ARID1B: variants seen among roughly 807,000 people sequenced by gnomAD.
The protein encoded by ARID1B is AT-rich interaction domain 1B.
In ARID1B, 30 loss-of-function variants were observed where a neutral mutation model predicts 212.3. That is an observed-to-expected ratio of 0.14 (90% CI 0.11 to 0.19). ARID1B has a LOEUF of 0.19. Among genes scored for constraint, ARID1B ranks in the 10% least tolerant of loss-of-function variants. ARID1B has a pLI of 1.00. For synonymous variants in ARID1B, 1,402 were observed against 1,301.7 expected (o/e 1.08, Z -1.66); for missense variants, 2,891 against 3,204.0 (o/e 0.90, Z 2.36).
At chr6:156,908,202 T>C (rs1789564360) in intron 3 of ARID1B, among the ~76,000 whole-genome samples, 1 of 152,154 alleles carries the variant, frequency 6.6e-6, no homozygotes, top group African/African-American at 2.4e-5. Context: ...TGCCCAGCCA[T>C]TTAAAATTTT....
Position 156,988,607 on chromosome 6 carries a change from C to T in ARID1B, c.2247+53031C>T, listed in dbSNP as rs114746522. 5.7e-3 allele frequency among the ~76,000 whole-genome samples: 869 copies of T among 152,288 alleles called. 5 individuals carry two copies. Among genetic ancestry groups the T allele is most frequent in the African/African-American group, 0.02 (817 of 41,546 alleles). On this transcript the variant is annotated intron_variant, in intron 4 of 19. Transcript: ENST00000636930. ...CTGCCAGAGGAGCTTTCTTACCTGCCAGCTCTGGACATCTCATTTCCTGTT... is the reference window on the plus strand; with the variant it reads ...CTGCCAGAGGAGCTTTCTTACCTGCTAGCTCTGGACATCTCATTTCCTGTT...
chr6:156,967,859 CT>C (rs1256209825), intron 4 of ARID1B, among the ~76,000 whole-genome samples: 21 of 152,172 alleles, frequency 1.4e-4, no homozygotes, highest in African/African-American at 5.1e-4. Flanking sequence ...TTGCAAGGAA[CT>C]TTGGTTCATT....
At chr6:157,089,783 A>G (rs1038301332) in intron 5 of ARID1B, among the ~76,000 whole-genome samples, 1 of 152,194 alleles carries the variant, frequency 6.6e-6, no homozygotes, top group Middle Eastern at 3.2e-3. Context: ...TTCATATACT[A>G]TACATTTAAA....
chr6:156,831,072 C>G lies in ARID1B; in HGVS notation c.1986+1651C>G, dbSNP rs371492612. Among the ~76,000 whole-genome samples, 55 of 152,244 alleles carry G rather than the reference C, an allele frequency of 3.6e-4. 1 individual carries two copies. The highest frequency in any genetic ancestry group is 1.2e-3 in the African/African-American group (49 of 41,532). On this transcript the variant is annotated intron_variant, in intron 2 of 19. Coordinates refer to ENST00000636930, the MANE Select transcript of ARID1B (RefSeq NM_001374828.1). ...ATATTTTGCTGCCTAGAGTAGAAAT[C>G]TTTAGTTGTGGCTGCTAATTGTGAG...
intron 7 of ARID1B, among the ~76,000 whole-genome samples, chr6:157,134,117 A>G (rs1346354117): frequency 6.6e-6 from 1 of 152,202 alleles, no homozygotes; most frequent in Non-Finnish European, 1.5e-5. Context: ...CCACTGGGAA[A>G]CTGTAGTAAA....
chr6:156,879,054 C>A (rs1786822118), intron 2 of ARID1B, among the ~76,000 whole-genome samples: 1 of 152,214 alleles, frequency 6.6e-6, no homozygotes, highest in Non-Finnish European at 1.5e-5. Context: ...GCTTCTGACT[C>A]CAGTGCCCAT....
intron 2 of ARID1B, among the ~76,000 whole-genome samples, chr6:156,852,530 A>G (rs1198787720): frequency 1.3e-5 from 2 of 152,076 alleles, no homozygotes; most frequent in Non-Finnish European, 2.9e-5. Context: ...TGACTTACTC[A>G]TATGACTATT....
At chr6:157,177,337 T>C (rs1792163031) in intron 11 of ARID1B, among the ~76,000 whole-genome samples, 1 of 152,182 alleles carries the variant, frequency 6.6e-6, no homozygotes, top group Admixed American at 6.5e-5. Context: ...ATGAAGAACC[T>C]AACATTATCT....
intron 5 of ARID1B, among the ~76,000 whole-genome samples, chr6:157,100,308 C>A (rs947912844): frequency 6.6e-6 from 1 of 152,178 alleles, no homozygotes; most frequent in African/African-American, 2.4e-5. Context: ...GAGACAGAGG[C>A]ACACACACCC....
At chr6:157,109,397 C>A (rs1786733305) in intron 5 of ARID1B, among the ~76,000 whole-genome samples, 1 of 152,086 alleles carries the variant, frequency 6.6e-6, no homozygotes, top group Admixed American at 6.5e-5. Flanking sequence ...GACCACCGCC[C>A]CAGAGGACTA....
chr6:157,039,613 C>G (rs916919127), intron 4 of ARID1B, among the ~76,000 whole-genome samples: 57 of 144,500 alleles, frequency 3.9e-4, no homozygotes, highest in Non-Finnish European at 7.6e-4. Flanking sequence ...CCAAAAGCTA[C>G]CTACCTTCCT....
At chr6:156,835,977 A>C (rs1783484652) in intron 2 of ARID1B, among the ~76,000 whole-genome samples, 1 of 152,126 alleles carries the variant, frequency 6.6e-6, no homozygotes, top group Non-Finnish European at 1.5e-5. Context: ...TGTGTGTTTT[A>C]GGTAGCACTG....
At chr6:157,149,048 C>A in intron 8 of ARID1B, 97 bp downstream of exon 8, 2 of 1,268,628 alleles carry the variant, frequency 1.6e-6, no homozygotes, top group Non-Finnish European at 1.1e-6. Context: ...TGGGGTCACA[C>A]AGAGCAGTAG....
intron 13 of ARID1B, chr6:157,186,762 A>G (rs1793004450): frequency 5.8e-6 from 2 of 343,420 alleles, no homozygotes; most frequent in Non-Finnish European, 1.1e-5. Flanking sequence ...GAACTAAACT[A>G]AAAGATTCTG....
At chr6:156,905,033 T>C (rs946740789) in intron 3 of ARID1B, among the ~76,000 whole-genome samples, 29 of 152,336 alleles carry the variant, frequency 1.9e-4, no homozygotes, top group African/African-American at 7.0e-4. Flanking sequence ...TTGTCTTGTG[T>C]ATTTAAAGGC....
At position 157,190,543 on chromosome 6, in the gene ARID1B, G is replaced by A. The variant is rs577944746; in HGVS notation, c.4231+333G>A. Among the ~76,000 whole-genome samples, 73 of 152,332 alleles carry A rather than the reference G, an allele frequency of 4.8e-4. No homozygotes were observed. Among genetic ancestry groups the A allele is most frequent in the African/African-American group, 1.7e-3 (69 of 41,574 alleles). ...TAGGACCCGCTTCCAAAGGCATGGCGAGGATTAAGTTCCTGCAACAGAGCT... is the reference window on the plus strand; with the variant it reads ...TAGGACCCGCTTCCAAAGGCATGGCAAGGATTAAGTTCCTGCAACAGAGCT... On this transcript the variant is annotated intron_variant, in intron 15 of 19. Transcript: ENST00000636930. This position sits in a 1 kb window ranked among gnomAD's most constrained non-coding sequence, Gnocchi z 4.6.
At chr6:156,851,173 C>T (rs965314806) in intron 2 of ARID1B, among the ~76,000 whole-genome samples, 4 of 152,124 alleles carry the variant, frequency 2.6e-5, no homozygotes, top group Admixed American at 6.6e-5. Flanking sequence ...GTTACCTTGG[C>T]CTCTCTCTGT....
In ARID1B at chr6:157,122,925, A is replaced by G. The variant is rs553717787; in HGVS notation, c.2582-10103A>G. On this transcript the variant is annotated intron_variant, in intron 6 of 19. Transcript: ENST00000636930. ...TTGAACTCCTGACCTCAGGTGATCC[A>G]CCCGCCTCAGCCTCCCAAAGTACTG... 6.6e-5 allele frequency among the ~76,000 whole-genome samples: 10 copies of G among 151,998 alleles called. No individual in the cohort carries two copies. The East Asian group carries it at 9.7e-4, about 15-fold the overall frequency.
intron 4 of ARID1B, among the ~76,000 whole-genome samples, chr6:157,066,915 A>T (rs1479657206): frequency 6.6e-6 from 1 of 151,940 alleles, no homozygotes; most frequent in Non-Finnish European, 1.5e-5. Flanking sequence ...GGAGAAAAAC[A>T]TGTATTAGAG....
Sources: allele counts gnomAD v4.1 joint callset (sites outside exome capture counted in the v4.1 genomes callset), GRCh38; gene constraint gnomAD v4.1.1; non-coding constraint Gnocchi (gnomAD v3.1); transcripts MANE v1.5; gene names NCBI Gene and HGNC (gene_info 2026-07-23, HGNC 2026-07-21).